MDN1: variants seen among roughly 807,000 people sequenced by gnomAD.
MDN1 encodes the protein midasin AAA ATPase 1.
MDN1 carries 266 observed loss-of-function variants against 669.2 expected under a neutral mutation model. The ratio of observed to expected loss-of-function variants is 0.40; its 90% CI spans 0.36 to 0.44. The LOEUF (loss-of-function observed/expected upper bound fraction) is 0.44, where lower values mean the gene tolerates loss of function less well. Ranked by LOEUF, MDN1 falls within the 20% of genes least tolerant of loss-of-function variation. The pLI, the probability that MDN1 is intolerant of heterozygous loss-of-function variation, is 1.00. For missense variants in MDN1, 5,940 were observed against 6,754.0 expected, an observed-to-expected ratio of 0.88 and a Z score of 4.22; for synonymous variants, 2,385 against 2,457.1, an observed-to-expected ratio of 0.97 and a Z score of 0.87.
At chr6:89,711,391 A>C (rs1813904844) in intron 49 of MDN1, among the ~76,000 whole-genome samples, 1 of 152,252 alleles carries the variant, frequency 6.6e-6, no homozygotes, top group African/African-American at 2.4e-5. Flanking sequence ...TTTTAAAACA[A>C]CGTACTACAA....
chr6:89,791,177 T>C (rs879353140), intron 5 of MDN1, among the ~76,000 whole-genome samples: 1 of 152,160 alleles, frequency 6.6e-6, no homozygotes, highest in African/African-American at 2.4e-5. Context: ...AAAGTTTAAG[T>C]AGCCAAAAAA....
intron 1 of MDN1, 122 bp downstream of exon 1, chr6:89,819,384 G>T: frequency 1.1e-6 from 1 of 931,516 alleles, no homozygotes; most frequent in Non-Finnish European, 1.7e-6. Flanking sequence ...GAGGGGGCCA[G>T]CTTGACCTGA....
intron 37 of MDN1, among the ~76,000 whole-genome samples, chr6:89,726,482 GAA>G (rs201576721): frequency 8.8e-5 from 8 of 90,950 alleles, no homozygotes; most frequent in African/African-American, 1.6e-4. Flanking sequence ...AAGAAAAATA[GAA>G]AAAAAAAAAA....
chr6:89,733,584 T>C (rs998417697), intron 33 of MDN1, among the ~76,000 whole-genome samples: 3 of 150,974 alleles, frequency 2.0e-5, no homozygotes, highest in East Asian at 1.9e-4. Flanking sequence ...CAAAGCTATA[T>C]AGATTGTGAT....
chr6:89,729,773 C>T (rs1024372020), intron 35 of MDN1, among the ~76,000 whole-genome samples: 1 of 150,534 alleles, frequency 6.6e-6, no homozygotes, highest in African/African-American at 2.4e-5. Context: ...CAAGGACCAC[C>T]CCAGTTCTAG....
At position 89,718,769 on chromosome 6, in the gene MDN1, G is replaced by C. The variant is rs755715854; in HGVS notation, c.6319C>G (p.Gln2107Glu). 1.2e-5 allele frequency: 20 copies of C among 1,613,218 alleles called. No homozygotes were observed. Among genetic ancestry groups the C allele is most frequent in the Non-Finnish European group, 1.6e-5 (19 of 1,179,400 alleles). The stretch of plus-strand genomic sequence containing the variant: ...AAATATGAAGGCAGACTGGTTACCT[G>C]CTCAAATCCACCCAGCAGCTCAGTA... The part of the protein sequence containing the change: ...DTTELLGGFE[Q>E]VDLIRPWRRL... The change falls in exon 42 of 102, where the codon CAG (glutamine) becomes GAG (glutamate). Residue 2107 changes from glutamine (Q) to glutamate (E), a missense_variant and splice_region_variant. Around this residue, in one of 5 missense-constraint regions of MDN1, gnomAD observed 2,292 missense variants for 2,638.3 expected, o/e 0.87. Coordinates refer to ENST00000369393, the MANE Select transcript of MDN1 (RefSeq NM_014611.3).
Position 89,803,534 on chromosome 6 carries a change from G to A in MDN1, c.123C>T (p.Arg41=), listed in dbSNP as rs377137265. Residue 41 remains arginine (R), a synonymous_variant, in exon 2 of 102, where the codon CGC becomes CGT. Transcript: ENST00000369393. The part of the protein sequence containing the change: ...LAKQVWTPQD[R]QCVLSTLAQL... ...GTGCTAAGGTACTCAGGACACACTG[G>A]CGATCTTGAGGTGTCCACACCTGAG... 5 of 1,613,146 alleles carry A rather than the reference G, an allele frequency of 3.1e-6. No individual in the cohort carries two copies. The African/African-American group carries it at 5.3e-5, about 17-fold the overall frequency.
rs1450359501 is a variant in MDN1 at position 89,718,577 on chromosome 6, A to G, written c.6372T>C (p.Thr2124=). ...WRRLLEKVEG[T]VRALLRDSLL... ...GGCTATCCCTTAACAGTGCCCTTAC[A>G]GTTCCCTCCACCTTCTCTAGCAGCC... The change falls in exon 43 of 102, where the codon ACT becomes ACC. Residue 2124 remains threonine (T), a synonymous_variant. Coordinates refer to ENST00000369393, the MANE Select transcript of MDN1 (RefSeq NM_014611.3). The G allele has an allele frequency of 1.2e-6, 2 of 1,614,140 alleles. No individual in the cohort carries two copies. Among genetic ancestry groups the G allele is most frequent in the East Asian group, 2.2e-5 (1 of 44,882 alleles).
rs1232359431 is a variant in MDN1 at position 89,749,498 on chromosome 6, T to C, written c.3615+45A>G. 12 of 1,603,894 alleles carry C rather than the reference T, an allele frequency of 7.5e-6. No individual in the cohort carries two copies. The East Asian group carries it at 2.2e-4, about 30-fold the overall frequency. ...CATTCTTACTACGAAAAATCTACTATCTGATGTGTTAACAAATTGAAGGAA... is the reference window on the plus strand; with the variant it reads ...CATTCTTACTACGAAAAATCTACTACCTGATGTGTTAACAAATTGAAGGAA... On this transcript the variant is annotated intron_variant, in intron 25 of 101. Transcript: ENST00000369393.
chr6:89,653,064 A>C lies in MDN1; in HGVS notation c.15753T>G (p.Asn5251Lys), dbSNP rs4707557. 90,151 of 1,613,422 alleles carry C rather than the reference A, an allele frequency of 0.056. 10,820 individuals carry two copies. The highest frequency in any genetic ancestry group is 0.48 in the East Asian group (21,392 of 44,840). Residue 5251 changes from asparagine to lysine, a missense_variant, in exon 94 of 102, where the codon AAT becomes AAG. Coordinates refer to ENST00000369393, the MANE Select transcript of MDN1 (RefSeq NM_014611.3). ...RTDKAHKETE[N>K]EKPERSREST... ...ACTCTCGGCTTCTTTCTGGTTTCTC[A>C]TTTTCTGTCTCCTTATGGGCTTTGT... is the stretch of plus-strand genomic sequence containing the variant.
rs1467190924 is a variant in MDN1, at chr6:89,687,351, C to T, written c.11443G>A (p.Glu3815Lys). The T allele has an allele frequency of 1.9e-6, 3 of 1,613,800 alleles. No homozygotes were observed. Among genetic ancestry groups the T allele is most frequent in the Non-Finnish European group, 2.5e-6 (3 of 1,179,806 alleles). The change falls in exon 68 of 102, where the codon GAG (glutamate) becomes AAG (lysine). Residue 3815 changes from glutamate to lysine, a missense_variant. Physicochemically the swap from Glu to Lys is moderately conservative, Grantham distance 56. Around this residue, in one of 5 missense-constraint regions of MDN1, gnomAD observed 2,280 missense variants for 2,576.3 expected, o/e 0.88. Coordinates refer to ENST00000369393, the MANE Select transcript of MDN1 (RefSeq NM_014611.3). ...GGAAGGAGAGTCACTTACTTCAGCT[C>T]CAGTTTACGCCACCGAATGATCATC... ...SQMIIRWRKL[E>K]LNCWSMSLDN...
intron 22 of MDN1, 101 bp from the exon 23 acceptor site, chr6:89,751,683 T>C: frequency 1.6e-6 from 2 of 1,221,068 alleles, no homozygotes; most frequent in Non-Finnish European, 2.3e-6. Flanking sequence ...AGCTGTCTTG[T>C]TCTGCATACT....
intron 2 of MDN1, among the ~76,000 whole-genome samples, chr6:89,798,073 T>C (rs1460085612): frequency 1.3e-5 from 2 of 149,900 alleles, no homozygotes; most frequent in Non-Finnish European, 2.9e-5. Context: ...TCCCAGCTAC[T>C]CAGGAGGCTG....
At chr6:89,692,136 T>A (rs1480680517) in intron 63 of MDN1, among the ~76,000 whole-genome samples, 1 of 152,162 alleles carries the variant, frequency 6.6e-6, no homozygotes, top group South Asian at 2.1e-4. Context: ...AACATCTTAA[T>A]GCAAGTTGAC....
intron 93 of MDN1, among the ~76,000 whole-genome samples, chr6:89,653,705 A>C (rs1809046014): frequency 6.6e-6 from 1 of 152,194 alleles, no homozygotes; most frequent in South Asian, 2.1e-4. Context: ...TTGCTGATGA[A>C]GCTATTTTTT....
Position 89,718,219 on chromosome 6 carries a change from A to G in MDN1, c.6583+147T>C, listed in dbSNP as rs184838570. On this transcript the variant is annotated intron_variant, in intron 43 of 101. Coordinates refer to ENST00000369393, the MANE Select transcript of MDN1 (RefSeq NM_014611.3). ...ATTCTGAATACTTTACCTCAGCTTCATTTTACTTTCTAGGTCAAACTTTCC... is the reference window on the plus strand; with the variant it reads ...ATTCTGAATACTTTACCTCAGCTTCGTTTTACTTTCTAGGTCAAACTTTCC... 49 of 925,136 alleles carry G rather than the reference A, an allele frequency of 5.3e-5. No homozygotes were observed. In the African/African-American group the frequency reaches 6.4e-4, roughly 12 times the overall value. 57.3% of individuals were successfully genotyped at this position (925,136 alleles called of 1,614,324 possible).
intron 40 of MDN1, 29 bp from the exon 41 acceptor site, chr6:89,719,254 C>T: frequency 1.9e-6 from 3 of 1,558,520 alleles, no homozygotes; most frequent in Non-Finnish European, 2.7e-6. Flanking sequence ...GCAATGAAAA[C>T]ACAAATCACT....
intron 1 of MDN1, among the ~76,000 whole-genome samples, chr6:89,805,583 T>A (rs369031133): frequency 3.3e-5 from 5 of 152,252 alleles, no homozygotes; most frequent in African/African-American, 7.2e-5. Flanking sequence ...AGGCTCACCC[T>A]AGTCACCTAT....
At chr6:89,811,798 C>A (rs1768436008) in intron 1 of MDN1, among the ~76,000 whole-genome samples, 1 of 151,886 alleles carries the variant, frequency 6.6e-6, no homozygotes, top group South Asian at 2.1e-4. Context: ...GGAAATCCTG[C>A]CTTTCTTCTT....
Sources: allele counts gnomAD v4.1 joint callset (sites outside exome capture counted in the v4.1 genomes callset), GRCh38; gene constraint gnomAD v4.1.1; regional missense constraint gnomAD v4.1.1; transcripts MANE v1.5; gene names NCBI Gene and HGNC (gene_info 2026-07-23, HGNC 2026-07-21).